Variants in EPB41L1 observed in about 807,000 individuals in gnomAD.
EPB41L1 encodes erythrocyte membrane protein band 4.1 like 1.
A neutral mutation model predicts 97.8 loss-of-function variants in EPB41L1; 29 were observed. The ratio of observed to expected loss-of-function variants is 0.30; its 90% CI spans 0.22 to 0.40. The LOEUF (loss-of-function observed/expected upper bound fraction) is 0.40. Ranked by LOEUF, EPB41L1 falls within the 10% of genes least tolerant of loss-of-function variation. The pLI is 1.00. For synonymous variants in EPB41L1, 383 were observed against 459.2 expected, an observed-to-expected ratio of 0.83 and a Z score of 2.12; for missense variants, 812 against 1,162.3, an observed-to-expected ratio of 0.70 and a Z score of 4.38.
intron 1 of EPB41L1, among the ~76,000 whole-genome samples, chr20:36,161,247 T>C (rs1186125257): frequency 6.6e-6 from 1 of 152,148 alleles, no homozygotes; most frequent in Non-Finnish European, 1.5e-5. Flanking sequence ...TCTAAGCTGC[T>C]GCTTGGGCTG....
chr20:36,117,290 C>A (rs1338826344), intron 2 of EPB41L1, among the ~76,000 whole-genome samples: 5 of 152,110 alleles, frequency 3.3e-5, no homozygotes, highest in African/African-American at 1.2e-4. Flanking sequence ...AGGAATGTTG[C>A]CCACGTAAGG....
chr20:36,227,547 C>A (rs1393525640), intron 21 of EPB41L1, among the ~76,000 whole-genome samples: 1 of 152,146 alleles, frequency 6.6e-6, no homozygotes, highest in Non-Finnish European at 1.5e-5. Flanking sequence ...CAAGGTGAAC[C>A]TGCTTCCTTG....
At chr20:36,221,804 T>C in intron 19 of EPB41L1, 60 bp from the exon 20 acceptor site, 2 of 1,493,814 alleles carry the variant, frequency 1.3e-6, no homozygotes, top group South Asian at 2.3e-5. Context: ...GTAGGTCCCC[T>C]CTTGAGGCTG....
In EPB41L1 at chr20:36,093,146, T is replaced by C. The variant is rs375301433; in HGVS notation, c.-65+1534T>C. 5.3e-5 allele frequency among the ~76,000 whole-genome samples: 8 copies of C among 151,140 alleles called. No homozygotes were observed. In the South Asian group the frequency reaches 1.3e-3, roughly 24 times the overall value. On this transcript the variant is annotated intron_variant, in intron 1 of 19. Coordinates refer to the EPB41L1 transcript ENST00000202028. The surrounding 1 kb of genome is among the most constrained non-coding windows in gnomAD (Gnocchi z 5.4). The stretch of plus-strand genomic sequence containing the variant: ...GTGTGCGTGTGTGAGGGTGTGTGCC[T>C]TGCGTGTCTTCGCGAGTGGTGCGTG...
chr20:36,215,193 C>G (rs753986469), intron 17 of EPB41L1, among the ~76,000 whole-genome samples: 4 of 151,964 alleles, frequency 2.6e-5, no homozygotes, highest in Non-Finnish European at 5.9e-5. Context: ...CCTCCACAAC[C>G]TTTATAGATG....
chr20:36,108,316 A>T (rs1227541744), intron 1 of EPB41L1, among the ~76,000 whole-genome samples: 1 of 151,942 alleles, frequency 6.6e-6, no homozygotes, highest in Non-Finnish European at 1.5e-5. Flanking sequence ...GTTGAGATAG[A>T]TATATTGGGT....
At chr20:36,145,172 G>A (rs1039191754) in intron 2 of EPB41L1, among the ~76,000 whole-genome samples, 17 of 152,156 alleles carry the variant, frequency 1.1e-4, no homozygotes, top group South Asian at 2.1e-4. Context: ...GGTGGATCAC[G>A]AGGTCAGGAG....
chr20:36,098,416 G>C (rs925017023), intron 1 of EPB41L1, among the ~76,000 whole-genome samples: 1 of 152,132 alleles, frequency 6.6e-6, no homozygotes, highest in African/African-American at 2.4e-5. Flanking sequence ...TGAAATCCAG[G>C]TGTCAGCAAG....
chr20:36,101,570 A>T (rs948259327), intron 1 of EPB41L1, among the ~76,000 whole-genome samples: 5 of 152,176 alleles, frequency 3.3e-5, no homozygotes, highest in African/African-American at 1.2e-4. Flanking sequence ...AGGGAGCAGA[A>T]GTTCAATTTG....
chr20:36,148,883 G>A (rs535158057), intron 2 of EPB41L1: 2 of 152,400 alleles, frequency 1.3e-5, no homozygotes, highest in South Asian at 2.1e-4. Context: ...CAAAAGTAGA[G>A]GCAAGGATGA....
chr20:36,225,810 GC>G lies in EPB41L1; in HGVS notation c.2637+3419del, dbSNP rs551009303. Among the ~76,000 whole-genome samples, 4 of 152,172 alleles carry G rather than the reference GC, an allele frequency of 2.6e-5. No individual in the cohort carries two copies. The South Asian group carries it at 8.3e-4, about 32-fold the overall frequency. On this transcript the variant is annotated intron_variant, in intron 21 of 21. Coordinates refer to ENST00000338074, the MANE Select transcript of EPB41L1 (RefSeq NM_012156.2). ...CTTCCCATTTCCCTAGCCATTCAGA[GC>G]CCTCATCCTGGCCTCCACATCCTGC...
At chr20:36,185,650 A>T (rs901765172) in intron 7 of EPB41L1, among the ~76,000 whole-genome samples, 12 of 152,208 alleles carry the variant, frequency 7.9e-5, no homozygotes, top group Non-Finnish European at 1.6e-4. Context: ...TCTCTGAGTA[A>T]GTGTCCTCAT....
chr20:36,101,014 G>A (rs186588441), intron 1 of EPB41L1, among the ~76,000 whole-genome samples: 2 of 152,224 alleles, frequency 1.3e-5, no homozygotes, highest in Admixed American at 6.5e-5. Flanking sequence ...TTTTTTCCTA[G>A]TTATTGTTTT....
In EPB41L1 at chr20:36,098,502, T is replaced by G. The variant is rs2057906679; in HGVS notation, c.-65+6890T>G. Among the ~76,000 whole-genome samples, 3 of 152,152 alleles carry G rather than the reference T, an allele frequency of 2.0e-5. No homozygotes were observed. The South Asian group carries it at 6.3e-4, about 32-fold the overall frequency. On this transcript the variant is annotated intron_variant, in intron 1 of 19. Coordinates refer to the EPB41L1 transcript ENST00000202028. ...AGCTTCTGGTGGTTGCCAGCAATCT[T>G]TGGCATTTCTTGGCTTGCAGCTGCA...
chr20:36,173,744 TCTC>T lies in EPB41L1; in HGVS notation c.-14-17_-14-15del. 6.2e-7 allele frequency: 1 copy of T among 1,612,252 alleles called. No homozygotes were observed. The highest frequency in any genetic ancestry group is 8.5e-7 in the Non-Finnish European group (1 of 1,178,342). On this transcript the variant is annotated splice_polypyrimidine_tract_variant and intron_variant, in intron 1 of 21. Coordinates refer to ENST00000338074, the MANE Select transcript of EPB41L1 (RefSeq NM_012156.2). ...ATTGCTGTCCCTCCCTGTCACATGATCTCCTTCATGCCAATGCAGGCGTGCTGG... is the reference window on the plus strand; with the variant it reads ...ATTGCTGTCCCTCCCTGTCACATGATCTTCATGCCAATGCAGGCGTGCTGG...
In EPB41L1 at chr20:36,229,418, C is replaced by T. The variant is rs2064387187; in HGVS notation, c.*78C>T. The T allele has an allele frequency of 9.5e-6, 14 of 1,467,458 alleles. No individual in the cohort carries two copies. The highest frequency in any genetic ancestry group is 1.3e-5 in the Non-Finnish European group (14 of 1,048,742). 90.9% of individuals were successfully genotyped at this position (1,467,458 alleles called of 1,614,324 possible). On this transcript the variant is annotated 3_prime_UTR_variant, in exon 22 of 22. Coordinates refer to ENST00000338074, the MANE Select transcript of EPB41L1 (RefSeq NM_012156.2). Reference sequence around the variant, plus strand: ...TAAGAAGGGGCCTTCATTCTGGATTCTCCGACGCAACACTGACGTCCCAGC... The same window carrying T: ...TAAGAAGGGGCCTTCATTCTGGATTTTCCGACGCAACACTGACGTCCCAGC...
intron 2 of EPB41L1, among the ~76,000 whole-genome samples, chr20:36,146,690 G>T (rs2059845986): frequency 6.6e-6 from 1 of 152,210 alleles, no homozygotes; most frequent in South Asian, 2.1e-4. Flanking sequence ...GAAGTGAAGT[G>T]CTGGCTGGGT....
intron 2 of EPB41L1, among the ~76,000 whole-genome samples, chr20:36,125,703 C>G (rs1204831832): frequency 6.6e-6 from 1 of 152,112 alleles, no homozygotes; most frequent in African/African-American, 2.4e-5. Flanking sequence ...GTATATTGAC[C>G]AGGAGCTGGC....
intron 1 of EPB41L1, among the ~76,000 whole-genome samples, chr20:36,161,932 G>T (rs544118170): frequency 7.2e-5 from 11 of 152,008 alleles, no homozygotes; most frequent in South Asian, 4.2e-4. Context: ...GGCTAATTTG[G>T]GGGGGGCACA....
Sources: allele counts gnomAD v4.1 joint callset (sites outside exome capture counted in the v4.1 genomes callset), GRCh38; gene constraint gnomAD v4.1.1; non-coding constraint Gnocchi (gnomAD v3.1); transcripts MANE v1.5; gene names NCBI Gene and HGNC (gene_info 2026-07-23, HGNC 2026-07-21).